SLC2A13: variants seen among roughly 807,000 people sequenced by gnomAD.
SLC2A13 encodes proton myo-inositol cotransporter.
SLC2A13 carries 32 observed loss-of-function variants against 64.4 expected under a neutral mutation model. That is an observed-to-expected ratio of 0.50 (90% confidence interval 0.37 to 0.67). The LOEUF (loss-of-function observed/expected upper bound fraction) is 0.67. SLC2A13 is among the 30% of genes least tolerant of loss of function. The pLI is 0.00. For synonymous variants in SLC2A13, 338 were observed against 327.1 expected, an observed-to-expected ratio of 1.03 and a Z score of -0.36; for missense variants, 743 against 829.2, an observed-to-expected ratio of 0.90 and a Z score of 1.28.
At chr12:39,963,286 CAAAAAA>C (rs71434304) in intron 3 of SLC2A13, among the ~76,000 whole-genome samples, 1 of 112,914 alleles carries the variant, frequency 8.9e-6, no homozygotes, top group Non-Finnish European at 1.7e-5. Flanking sequence ...GACTCCGTCT[CAAAAAA>C]AAAAAAAAAA....
At chr12:39,842,616 AT>A (rs1337574063) in intron 6 of SLC2A13, among the ~76,000 whole-genome samples, 5 of 151,948 alleles carry the variant, frequency 3.3e-5, no homozygotes. Context: ...ATTTTTAAAA[AT>A]TTTTTACTGA....
In SLC2A13 at chr12:39,760,329, A is replaced by C. The variant is rs978224576; in HGVS notation, c.1721-77T>G. 11 of 1,396,852 alleles carry C rather than the reference A, an allele frequency of 7.9e-6. No individual in the cohort carries two copies. The African/African-American group carries it at 1.0e-4, about 13-fold the overall frequency. The allele number at this position is 1,396,852 out of a possible 1,614,324, so 86.5% of individuals were successfully genotyped here. ...AAGTTGGAAAGATTACTTGATTTTG[A>C]CTTTTTTTTTCTGGTCAGTCATGCA... On this transcript the variant is annotated intron_variant, in intron 9 of 9. Transcript: ENST00000280871.
intron 4 of SLC2A13, among the ~76,000 whole-genome samples, chr12:39,932,533 A>C (rs1175140750): frequency 6.6e-6 from 1 of 152,254 alleles, no homozygotes; most frequent in Non-Finnish European, 1.5e-5. Context: ...GAGACAGTTC[A>C]AAGGTTAACA....
At chr12:39,809,659 C>T (rs897216213) in intron 7 of SLC2A13, among the ~76,000 whole-genome samples, 4 of 152,094 alleles carry the variant, frequency 2.6e-5, no homozygotes, top group African/African-American at 9.7e-5. Context: ...TTTCCCCATC[C>T]CCCCACCCCA....
At chr12:39,917,164 A>G (rs1258206953) in intron 4 of SLC2A13, among the ~76,000 whole-genome samples, 1 of 152,114 alleles carries the variant, frequency 6.6e-6, no homozygotes, top group Admixed American at 6.5e-5. Context: ...TAAGGACTGC[A>G]GAGAAGCATT....
At chr12:39,958,450 A>G (rs770707830) in intron 3 of SLC2A13, among the ~76,000 whole-genome samples, 2 of 152,202 alleles carry the variant, frequency 1.3e-5, no homozygotes, top group Admixed American at 1.3e-4. Context: ...AGGATTAGAG[A>G]TAATAAGGTT....
At chr12:40,104,551 C>G (rs901953478) in intron 1 of SLC2A13, among the ~76,000 whole-genome samples, 7 of 151,822 alleles carry the variant, frequency 4.6e-5, no homozygotes, top group African/African-American at 1.7e-4. Context: ...AACTGGAAAG[C>G]AGGAGAGGAA....
chr12:39,881,432 C>T (rs559163510), intron 4 of SLC2A13, among the ~76,000 whole-genome samples: 1 of 152,290 alleles, frequency 6.6e-6, no homozygotes, highest in African/African-American at 2.4e-5. Flanking sequence ...TCACGACTGT[C>T]TTTTTCAGTT....
intron 1 of SLC2A13, among the ~76,000 whole-genome samples, chr12:40,094,731 T>C (rs1161760996): frequency 6.6e-6 from 1 of 152,164 alleles, no homozygotes; most frequent in Non-Finnish European, 1.5e-5. Flanking sequence ...ACAAATAGGA[T>C]AGTAACTGAA....
At chr12:39,971,983 GAAAAA>G (rs1174701447) in intron 3 of SLC2A13, among the ~76,000 whole-genome samples, 1 of 95,806 alleles carries the variant, frequency 1.0e-5, no homozygotes, top group African/African-American at 4.1e-5. Flanking sequence ...AGTGTCTCCA[GAAAAA>G]AAAAAAAAAA....
At chr12:39,823,382 T>C (rs1942579119) in intron 7 of SLC2A13, among the ~76,000 whole-genome samples, 1 of 152,138 alleles carries the variant, frequency 6.6e-6, no homozygotes, top group African/African-American at 2.4e-5. Context: ...ACTGATGTGG[T>C]TTGTCAATGA....
intron 3 of SLC2A13, among the ~76,000 whole-genome samples, chr12:39,955,804 C>A (rs1228277459): frequency 6.6e-6 from 1 of 151,940 alleles, no homozygotes; most frequent in Admixed American, 6.6e-5. Context: ...ACCTACGCAG[C>A]CAAAAGCCAA....
chr12:40,076,682 C>T (rs1938188724), intron 1 of SLC2A13, among the ~76,000 whole-genome samples: 1 of 152,150 alleles, frequency 6.6e-6, no homozygotes, highest in Admixed American at 6.6e-5. Context: ...AAGGGGACTG[C>T]TGGATCGAAT....
chr12:39,886,686 C>T (rs1011701727), intron 4 of SLC2A13, among the ~76,000 whole-genome samples: 7 of 152,142 alleles, frequency 4.6e-5, no homozygotes, highest in Non-Finnish European at 1.0e-4. Flanking sequence ...TTTAGAAATG[C>T]CCTTTTCATT....
intron 1 of SLC2A13, among the ~76,000 whole-genome samples, chr12:40,092,272 T>C (rs1938794369): frequency 6.6e-6 from 1 of 152,220 alleles, no homozygotes; most frequent in African/African-American, 2.4e-5. Flanking sequence ...TCCACATTTA[T>C]TTGAAGCACT....
chr12:40,067,349 G>A (rs17489379), intron 1 of SLC2A13, among the ~76,000 whole-genome samples: 400 of 152,056 alleles, frequency 2.6e-3, no homozygotes, highest in African/African-American at 9.3e-3. Context: ...CTACAGTCAC[G>A]TGCCACCACG....
chr12:40,025,325 C>T (rs1037385058), intron 3 of SLC2A13, among the ~76,000 whole-genome samples: 1 of 152,234 alleles, frequency 6.6e-6, no homozygotes, highest in African/African-American at 2.4e-5. Context: ...AACAATCTCA[C>T]ACATCCAAAA....
intron 4 of SLC2A13, among the ~76,000 whole-genome samples, chr12:39,949,051 G>T (rs1325532697): frequency 2.6e-5 from 4 of 152,102 alleles, no homozygotes; most frequent in African/African-American, 7.2e-5. Flanking sequence ...CACATTACAT[G>T]AGAGTCCCAG....
In SLC2A13 at chr12:39,812,996, A is replaced by ATTTTTTTTTTTTT. The variant is rs71449493; in HGVS notation, c.1445+17094_1445+17106dup. Among the ~76,000 whole-genome samples, 121 of 40,614 alleles carry ATTTTTTTTTTTTT rather than the reference A, an allele frequency of 3.0e-3. 44 individuals are homozygous for ATTTTTTTTTTTTT. Among genetic ancestry groups the ATTTTTTTTTTTTT allele is most frequent in the Middle Eastern group, 0.091 (2 of 22 alleles). The allele number at this position is 40,614 out of a possible 152,430, so 26.6% of individuals were successfully genotyped here. A position where few individuals can be genotyped will look rare whatever the true frequency, so the allele number is the denominator to read the frequency against. ...AGGCGCCTGACATCATGCCCAGCTA[A>ATTTTTTTTTTTTT]TTTTTTTTTTTTTTTTTTTTTTTTT... On this transcript the variant is annotated intron_variant, in intron 7 of 9. Coordinates refer to ENST00000280871, the MANE Select transcript of SLC2A13 (RefSeq NM_052885.4).
Sources: gnomAD v4.1 joint callset for allele counts (sites outside exome capture counted in the v4.1 genomes callset) on GRCh38, gnomAD v4.1.1 for gene constraint, MANE v1.5 for transcripts, NCBI Gene and HGNC (gene_info 2026-07-23, HGNC 2026-07-21) for gene names.